Variants in SMC2 observed in about 807,000 individuals in gnomAD.
SMC2 encodes the protein structural maintenance of chromosomes protein 2.
In SMC2, 41 loss-of-function variants were observed where a neutral mutation model predicts 142.6. The ratio of observed to expected loss-of-function variants is 0.29; its 90% CI spans 0.22 to 0.37. The LOEUF (loss-of-function observed/expected upper bound fraction) is 0.37. Among genes scored for constraint, SMC2 ranks in the 10% least tolerant of loss-of-function variants. The pLI is 1.00. For missense variants in SMC2, 1,265 were observed against 1,373.7 expected (o/e 0.92, Z 1.25); for synonymous variants, 463 against 457.5 (o/e 1.01, Z -0.15).
At chr9:104,137,890 T>C (rs1835727994) in intron 23 of SMC2, 128 bp from the exon 24 acceptor site, 3 of 498,766 alleles carry the variant, frequency 6.0e-6, no homozygotes, top group Non-Finnish European at 9.4e-6. Context: ...CTCAAGATTC[T>C]TTTTTTTATA....
chr9:104,116,799 G>C (rs1833168918), intron 14 of SMC2, among the ~76,000 whole-genome samples: 1 of 152,156 alleles, frequency 6.6e-6, no homozygotes, highest in Non-Finnish European at 1.5e-5. Context: ...AGGTGACCAG[G>C]ATCCCATTCA....
chr9:104,114,082 G>A lies in SMC2; in HGVS notation c.1532+1G>A. 1 of 1,453,970 alleles carries A rather than the reference G, an allele frequency of 6.9e-7. No individual in the cohort carries two copies. Among genetic ancestry groups the A allele is most frequent in the Non-Finnish European group, 9.5e-7 (1 of 1,054,568 alleles). 90.1% of individuals were successfully genotyped at this position (1,453,970 alleles called of 1,614,324 possible). ...TTCCCAATCTTCGATTTGCATACAA[G>A]TAAGAGACTTAAGCCTTGAATTTTA... On this transcript the variant is annotated splice_donor_variant, in intron 12 of 24. Coordinates refer to ENST00000374793, the MANE Select transcript of SMC2 (RefSeq NM_006444.3). LOFTEE classifies it high-confidence loss of function.
chr9:104,096,020 C>G, intron 2 of SMC2, 128 bp from the exon 3 acceptor site: 1 of 746,476 alleles, frequency 1.3e-6, no homozygotes, highest in South Asian at 2.1e-5. Context: ...GAGGATGCAG[C>G]TGCCTAACCT....
intron 22 of SMC2, among the ~76,000 whole-genome samples, chr9:104,133,735 C>G (rs1835229681): frequency 6.6e-6 from 1 of 152,088 alleles, no homozygotes; most frequent in South Asian, 2.1e-4. Flanking sequence ...CCTTCTATGG[C>G]AAGACAGGGG....
chr9:104,125,496 T>C (rs1834166697), intron 18 of SMC2, among the ~76,000 whole-genome samples: 1 of 152,184 alleles, frequency 6.6e-6, no homozygotes, highest in Non-Finnish European at 1.5e-5. Flanking sequence ...CTGAAAACCC[T>C]GCAATCGAGT....
intron 15 of SMC2, 132 bp from the exon 16 acceptor site, chr9:104,119,895 C>G: frequency 1.1e-6 from 1 of 869,642 alleles, no homozygotes; most frequent in Non-Finnish European, 1.8e-6. Context: ...GGAATGAATT[C>G]CATGGCTTCA....
intron 23 of SMC2, among the ~76,000 whole-genome samples, 185 bp from the exon 24 acceptor site, chr9:104,137,833 A>G (rs543869768): frequency 8.4e-4 from 125 of 149,606 alleles, no homozygotes; most frequent in Non-Finnish European, 1.6e-3. Flanking sequence ...GAAAGCTAAA[A>G]TAAAAGAAAT....
At chr9:104,135,247 A>G (rs1835405467) in intron 23 of SMC2, among the ~76,000 whole-genome samples, 1 of 152,194 alleles carries the variant, frequency 6.6e-6, no homozygotes, top group Non-Finnish European at 1.5e-5. Context: ...ATCCAAGAAA[A>G]CATGAACATA....
chr9:104,134,592 C>CCA lies in SMC2; in HGVS notation c.3269+17_3269+18insCA. On this transcript the variant is annotated intron_variant, in intron 23 of 24. Transcript: ENST00000374793. ...TGGTCAGAGGTGAGGAATCACTTTG[C>CCA]TATATTATAATTTTCATTCCTCTTT... is the stretch of plus-strand genomic sequence containing the variant. 1 of 1,414,354 alleles carries CCA rather than the reference C, an allele frequency of 7.1e-7. No individual in the cohort carries two copies. Among genetic ancestry groups the CCA allele is most frequent in the Non-Finnish European group, 9.3e-7 (1 of 1,071,484 alleles). The allele number at this position is 1,414,354 out of a possible 1,614,324, so 87.6% of individuals were successfully genotyped here.
At chr9:104,112,698 AC>A (rs536467070) in intron 10 of SMC2, among the ~76,000 whole-genome samples, 5 of 152,118 alleles carry the variant, frequency 3.3e-5, no homozygotes, top group Admixed American at 6.6e-5. Flanking sequence ...TTTGGAGGAT[AC>A]CCCCATCTAA....
At chr9:104,123,051 ATTTCTCAAAT>A in intron 16 of SMC2, 47 bp from the exon 17 acceptor site, 2 of 1,551,834 alleles carry the variant, frequency 1.3e-6, no homozygotes, top group Non-Finnish European at 1.7e-6. Context: ...GTTTGAATGT[ATTTCTCAAAT>A]ACCAGAAAAA....
chr9:104,090,597 G>A (rs1314784941), upstream of SMC2, among the ~76,000 whole-genome samples: 1 of 152,108 alleles, frequency 6.6e-6, no homozygotes, highest in African/African-American at 2.4e-5. Context: ...GCATAATTCA[G>A]GAGCCACAAA....
intron 9 of SMC2, among the ~76,000 whole-genome samples, chr9:104,106,173 C>T (rs901958247): frequency 5.9e-5 from 9 of 152,112 alleles, no homozygotes; most frequent in African/African-American, 2.2e-4. Flanking sequence ...TAACAGGGTG[C>T]ATGGAAAGTC....
At chr9:104,122,188 T>C (rs1833812573) in intron 16 of SMC2, among the ~76,000 whole-genome samples, 1 of 152,216 alleles carries the variant, frequency 6.6e-6, no homozygotes, top group African/African-American at 2.4e-5. Flanking sequence ...CTGTTAATTT[T>C]GTTCAGTAGT....
At chr9:104,125,819 A>G (rs1834205609) in intron 18 of SMC2, among the ~76,000 whole-genome samples, 1 of 152,218 alleles carries the variant, frequency 6.6e-6, no homozygotes, top group African/African-American at 2.4e-5. Flanking sequence ...TTTGTCTCCA[A>G]AGGCTACGTT....
intron 12 of SMC2, among the ~76,000 whole-genome samples, chr9:104,114,408 G>A (rs895373265): frequency 5.9e-5 from 9 of 151,942 alleles, no homozygotes; most frequent in African/African-American, 1.2e-4. Context: ...TTGCTATGTG[G>A]GTTTTTTATG....
chr9:104,090,282 C>CT (rs1357531284), upstream of SMC2, among the ~76,000 whole-genome samples: 2 of 152,280 alleles, frequency 1.3e-5, no homozygotes, highest in African/African-American at 4.8e-5. Flanking sequence ...AGAACAGATA[C>CT]TGCGGTAGCC....
In SMC2 at chr9:104,095,440, A is replaced by G; in HGVS notation, c.56A>G (p.Glu19Gly). 1 of 1,613,868 alleles carries G rather than the reference A, an allele frequency of 6.2e-7. No individual in the cohort carries two copies. ...EGFKSYAQRT[E>G]VNGFDPLFNA... Reference sequence around the variant, plus strand: ...TTCAAGTCCTATGCTCAGAGGACCGAAGTCAATGGTTTTGACCCCCTCTTC... The same window carrying G: ...TTCAAGTCCTATGCTCAGAGGACCGGAGTCAATGGTTTTGACCCCCTCTTC... Residue 19 changes from glutamate (E) to glycine (G), a missense_variant, in exon 2 of 25, where the codon GAA (glutamate) becomes GGA (glycine). This residue lies in a region of SMC2 where 168 missense variants were observed against 184.8 expected (regional missense o/e 0.91). Transcript: ENST00000374793.
In SMC2 at chr9:104,111,831, G is replaced by A; in HGVS notation, c.1254+17G>A. On this transcript the variant is annotated intron_variant, in intron 10 of 24. Transcript: ENST00000374793. ...GCCAAACAGGTAAATAGAGACATTA[G>A]CACTATGTGATTGCTTTTTTTTCCA... The A allele has an allele frequency of 1.3e-6, 2 of 1,526,712 alleles. No homozygotes were observed. The highest frequency in any genetic ancestry group is 1.2e-5 in the South Asian group (1 of 84,806). 94.6% of individuals were successfully genotyped at this position (1,526,712 alleles called of 1,614,324 possible).
Sources: gnomAD v4.1 joint callset for allele counts (sites outside exome capture counted in the v4.1 genomes callset) on GRCh38, gnomAD v4.1.1 for gene constraint, gnomAD v4.1.1 regional missense constraint, MANE v1.5 for transcripts, NCBI Gene and HGNC (gene_info 2026-07-23, HGNC 2026-07-21) for gene names.